The following HAS3 variants were observed in gnomAD, a reference collection of about 807,000 sequenced individuals.
HAS3 encodes the protein HA synthase 3.
A neutral mutation model predicts 50.3 loss-of-function variants in HAS3; 27 were observed. That is an observed-to-expected ratio of 0.54 (90% CI 0.40 to 0.74). The LOEUF (loss-of-function observed/expected upper bound fraction) is 0.74. Among genes scored for constraint, HAS3 ranks in the 30% least tolerant of loss-of-function variants. The probability of loss-of-function intolerance (pLI) is 0.00; values close to 1 mark genes in which losing one functional copy is unlikely to be tolerated. For synonymous variants in HAS3, 339 were observed against 310.9 expected, an observed-to-expected ratio of 1.09 and a Z score of -0.95; for missense variants, 517 against 742.8, an observed-to-expected ratio of 0.70 and a Z score of 3.53.
upstream of HAS3, among the ~76,000 whole-genome samples, chr16:69,102,252 C>T (rs1960704678): frequency 1.3e-5 from 2 of 152,136 alleles, no homozygotes; most frequent in South Asian, 4.1e-4. Context: ...ACTACTGAGC[C>T]AAATAGGAAG....
intron 3 of HAS3, 55 bp downstream of exon 3, chr16:69,113,597 C>T: frequency 9.7e-7 from 1 of 1,029,888 alleles, no homozygotes; most frequent in Non-Finnish European, 1.5e-6. Flanking sequence ...TTTTCCTAAT[C>T]CAATTGGATA....
Position 69,115,723 on chromosome 16 carries a change from A to T in HAS3, c.*457A>T. 1.0e-6 allele frequency: 1 copy of T among 987,746 alleles called. No homozygotes were observed. Among genetic ancestry groups the T allele is most frequent in the Non-Finnish European group, 1.2e-6 (1 of 831,802 alleles). The allele number at this position is 987,746 out of a possible 1,614,324, so 61.2% of individuals were successfully genotyped here. ...CGAGCTGGGCCGGTTAGTGTATGTC[A>T]CCCCCACCCCACCCCTAAGTAGTCA... is the stretch of plus-strand genomic sequence containing the variant. On this transcript the variant is annotated 3_prime_UTR_variant, in exon 4 of 4. Transcript: ENST00000569188.
chr16:69,108,712 C>G (rs1287448908), intron 1 of HAS3, among the ~76,000 whole-genome samples: 4 of 152,202 alleles, frequency 2.6e-5, no homozygotes, highest in Non-Finnish European at 4.4e-5. Flanking sequence ...TGCCTCTCCC[C>G]CTGCTTTCCC....
upstream of HAS3, among the ~76,000 whole-genome samples, chr16:69,104,916 A>T (rs1960745538): frequency 6.6e-6 from 1 of 151,332 alleles, no homozygotes; most frequent in Non-Finnish European, 1.5e-5. Flanking sequence ...GGTGCCTATA[A>T]ATTTGTTGCA....
chr16:69,111,719 T>C (rs1455738698), intron 2 of HAS3, among the ~76,000 whole-genome samples: 2 of 152,178 alleles, frequency 1.3e-5, no homozygotes, highest in Non-Finnish European at 2.9e-5. Context: ...TAGCAGGCTG[T>C]TTTGACTGCA....
At chr16:69,111,999 C>T (rs1349006862) in intron 2 of HAS3, among the ~76,000 whole-genome samples, 6 of 152,258 alleles carry the variant, frequency 3.9e-5, no homozygotes, top group African/African-American at 4.8e-5. Flanking sequence ...AGCCAGTGAG[C>T]GCTTGCTGGA....
chr16:69,094,370 C>G, the HAS3 span, among the ~76,000 whole-genome samples: 2,991 of 152,256 alleles, frequency 0.02, 100 homozygotes, highest in African/African-American at 0.065. Flanking sequence ...GGACCACACA[C>G]CACCTTCAAA....
chr16:69,109,993 G>A lies in HAS3; in HGVS notation c.598G>A (p.Ala200Thr). ...WGGKREVMYT[A>T]FKALGDSVDY... Reference sequence around the variant, plus strand: ...AGGCAAGCGCGAGGTCATGTACACGGCCTTCAAGGCCCTCGGCGATTCGGT... The same window carrying A: ...AGGCAAGCGCGAGGTCATGTACACGACCTTCAAGGCCCTCGGCGATTCGGT... Residue 200 changes from alanine (A) to threonine (T), a missense_variant, in exon 2 of 4, where the codon GCC (alanine) becomes ACC (threonine). Physicochemically the swap from Ala to Thr is moderately conservative, Grantham distance 58. Transcript: ENST00000569188. This position sits in a 1 kb window ranked among gnomAD's most constrained non-coding sequence, Gnocchi z 5.3. 1 of 1,611,494 alleles carries A rather than the reference G, an allele frequency of 6.2e-7. No individual in the cohort carries two copies. The highest frequency in any genetic ancestry group is 8.5e-7 in the Non-Finnish European group (1 of 1,177,952).
chr16:69,096,688 G>T, the HAS3 span, among the ~76,000 whole-genome samples: 1 of 145,060 alleles, frequency 6.9e-6, no homozygotes, highest in Non-Finnish European at 1.5e-5. Flanking sequence ...CGCCATCTCG[G>T]CTCACTCCAA....
chr16:69,101,315 T>G (rs1387339834), upstream of HAS3, among the ~76,000 whole-genome samples: 1 of 152,162 alleles, frequency 6.6e-6, no homozygotes, highest in Non-Finnish European at 1.5e-5. Flanking sequence ...TTATTTTTTA[T>G]TTTGAGGCAA....
chr16:69,106,795 C>A lies in HAS3; in HGVS notation c.-1+1008C>A, dbSNP rs1161567278. ...GGGGAGTGGGCTCCCCTCCCCTGGC[C>A]GGCCTGGAGGGGCCCGGAGGGCGGC... On this transcript the variant is annotated intron_variant, in intron 1 of 3. Transcript: ENST00000569188. The surrounding 1 kb of genome is among the most constrained non-coding windows in gnomAD (Gnocchi z 5.5). The A allele has an allele frequency of 6.6e-6, 1 of 152,128 alleles. No individual in the cohort carries two copies. Among genetic ancestry groups the A allele is most frequent in the Non-Finnish European group, 1.5e-5 (1 of 68,026 alleles). The allele number at this position is 152,128 out of a possible 1,614,324, so 9.4% of individuals were successfully genotyped here.
chr16:69,117,576 C>CT lies in HAS3; in HGVS notation c.*2326dup, dbSNP rs10558208. 0.013 allele frequency: 9,389 copies of CT among 696,248 alleles called. 13 individuals carry two copies. The highest frequency in any genetic ancestry group is 0.072 in the East Asian group (520 of 7,186). 43.1% of individuals were successfully genotyped at this position (696,248 alleles called of 1,614,324 possible). ...TTGTAAACATATTTATTTTTACCTG[C>CT]TTTTTTTTTTTTTTTTAATTTTCAG... On this transcript the variant is annotated 3_prime_UTR_variant, in exon 4 of 4. Transcript: ENST00000569188.
the HAS3 span, among the ~76,000 whole-genome samples, chr16:69,094,026 T>G: frequency 6.6e-6 from 1 of 152,148 alleles, no homozygotes; most frequent in African/African-American, 2.4e-5. Context: ...AGCCCCTAAC[T>G]CCAGCACAGA....
the HAS3 span, among the ~76,000 whole-genome samples, chr16:69,098,087 C>T: frequency 1.3e-5 from 2 of 152,094 alleles, no homozygotes; most frequent in Admixed American, 1.3e-4. Flanking sequence ...CCTGCCCGGG[C>T]TTATAAGGAA....
chr16:69,102,458 C>T (rs1314501458), upstream of HAS3, among the ~76,000 whole-genome samples: 10 of 152,302 alleles, frequency 6.6e-5, no homozygotes, highest in South Asian at 2.1e-3. Flanking sequence ...GCAAATAGGA[C>T]ACCACAAACT....
chr16:69,095,676 C>T, the HAS3 span, among the ~76,000 whole-genome samples: 1 of 151,514 alleles, frequency 6.6e-6, no homozygotes, highest in Non-Finnish European at 1.5e-5. Flanking sequence ...ATTGGCTTAT[C>T]TGATGAGAAA....
At chr16:69,117,928 A>T (rs1172973173), downstream of HAS3, 2 of 208,418 alleles carry the variant, frequency 9.6e-6, no homozygotes, top group Non-Finnish European at 2.0e-5. Context: ...ATGATGTAAG[A>T]CTGTAGCCAA....
intron 3 of HAS3, 73 bp downstream of exon 3, chr16:69,113,615 G>T: frequency 1.1e-6 from 1 of 890,730 alleles, no homozygotes; most frequent in South Asian, 1.6e-5. Flanking sequence ...ATATGCCTGG[G>T]AAATGGGTGT....
the HAS3 span, among the ~76,000 whole-genome samples, chr16:69,096,534 CAAAAAAAAAAAAAAAA>C: frequency 7.9e-4 from 28 of 35,340 alleles, no homozygotes; most frequent in South Asian, 1.4e-3. Context: ...GACTCTGTCT[CAAAAAAAAAAAAAAAA>C]AAAAAAAAAA....
Sources: allele counts gnomAD v4.1 joint callset (sites outside exome capture counted in the v4.1 genomes callset), GRCh38; gene constraint gnomAD v4.1.1; non-coding constraint Gnocchi (gnomAD v3.1); transcripts MANE v1.5; gene names NCBI Gene and HGNC (gene_info 2026-07-23, HGNC 2026-07-21).